Variants in TTC7A observed in about 807,000 individuals in gnomAD.
TTC7A encodes the protein tetratricopeptide repeat domain 7A.
TTC7A carries 110 observed loss-of-function variants against 103.7 expected under a neutral mutation model. The observed-to-expected ratio is 1.06, with a 90% CI of 0.91 to 1.24. The LOEUF is 1.24. Ranked by LOEUF, TTC7A falls within the 50% of genes most tolerant of loss-of-function variation. The pLI, the probability that TTC7A is intolerant of heterozygous loss-of-function variation, is 0.00. For synonymous variants in TTC7A, 521 were observed against 467.9 expected, an observed-to-expected ratio of 1.11 and a Z score of -1.47; for missense variants, 1,340 against 1,116.3, an observed-to-expected ratio of 1.20 and a Z score of -2.86.
At chr2:46,942,775 C>T (rs185003132) in intron 1 of TTC7A, among the ~76,000 whole-genome samples, 113 of 152,330 alleles carry the variant, frequency 7.4e-4, no homozygotes, top group African/African-American at 2.6e-3. Flanking sequence ...TATTACCTCT[C>T]AAAGATGTAC....
chr2:46,945,014 T>A (rs1302338923), intron 1 of TTC7A, among the ~76,000 whole-genome samples: 1 of 152,248 alleles, frequency 6.6e-6, no homozygotes, highest in Non-Finnish European at 1.5e-5. Context: ...TATGAAAATT[T>A]CAAATATACA....
Position 47,028,630 on chromosome 2 carries a change from A to G in TTC7A, c.1642-594A>G, listed in dbSNP as rs540817781. ...CCACATCCAAATCCAGACCCTTAGA[A>G]TGTGGCTTTCCTGACCCTGCATAAT... On this transcript the variant is annotated intron_variant, in intron 14 of 19. Coordinates refer to ENST00000319190, the MANE Select transcript of TTC7A (RefSeq NM_020458.4). Among the ~76,000 whole-genome samples, 28 of 152,304 alleles carry G rather than the reference A, an allele frequency of 1.8e-4. No homozygotes were observed. In the South Asian group the frequency reaches 4.1e-3, roughly 23 times the overall value.
chr2:46,959,388 T>A (rs767358831), intron 3 of TTC7A, among the ~76,000 whole-genome samples: 13 of 151,940 alleles, frequency 8.6e-5, no homozygotes, highest in Non-Finnish European at 1.6e-4. Flanking sequence ...TTCACAGGAG[T>A]CTGCTCTGTG....
At chr2:46,976,047 C>T (rs374007872) in intron 4 of TTC7A, among the ~76,000 whole-genome samples, 4 of 152,098 alleles carry the variant, frequency 2.6e-5, no homozygotes, top group African/African-American at 7.2e-5. Context: ...ATTCTTTTTC[C>T]CTCCGCATCT....
intron 5 of TTC7A, among the ~76,000 whole-genome samples, chr2:46,981,230 A>ATT (rs71397101): frequency 2.2e-4 from 32 of 148,648 alleles, no homozygotes; most frequent in East Asian, 1.2e-3. Context: ...ACACAGATGT[A>ATT]TTTTTTTTTT....
intron 2 of TTC7A, among the ~76,000 whole-genome samples, chr2:46,928,629 A>C (rs984936244): frequency 1.3e-5 from 2 of 152,006 alleles, no homozygotes; most frequent in Non-Finnish European, 2.9e-5. Context: ...AATTGACCAG[A>C]TGTGGTGACA....
At chr2:47,015,880 C>G (rs1348551645) in intron 11 of TTC7A, among the ~76,000 whole-genome samples, 1 of 152,038 alleles carries the variant, frequency 6.6e-6, no homozygotes, top group Non-Finnish European at 1.5e-5. Context: ...TACTACTCCT[C>G]CCAGGGAGAA....
chr2:46,985,383 G>A (rs962313297), intron 5 of TTC7A, among the ~76,000 whole-genome samples: 1 of 152,232 alleles, frequency 6.6e-6, no homozygotes, highest in African/African-American at 2.4e-5. Context: ...ACACGTGGCA[G>A]TTACTCAGCC....
At chr2:47,006,206 A>C in intron 9 of TTC7A, 147 bp downstream of exon 9, 4 of 1,120,702 alleles carry the variant, frequency 3.6e-6, no homozygotes, top group Non-Finnish European at 5.0e-6. Context: ...TACAAGTCTC[A>C]GCTTCCTCAT....
intron 2 of TTC7A, among the ~76,000 whole-genome samples, chr2:46,925,382 A>AC (rs1228631257): frequency 6.6e-6 from 1 of 152,022 alleles, no homozygotes; most frequent in East Asian, 1.9e-4. Flanking sequence ...ACATGGTGAA[A>AC]CCCCATCTCT....
intron 17 of TTC7A, 56 bp from the exon 18 acceptor site, chr2:47,051,690 G>A (rs2104731866): frequency 6.4e-7 from 1 of 1,552,856 alleles, no homozygotes; most frequent in Non-Finnish European, 8.7e-7. Context: ...TGCTCCTGGG[G>A]CCTGCAACGT....
intron 11 of TTC7A, among the ~76,000 whole-genome samples, chr2:47,017,310 T>A (rs1222985972): frequency 6.7e-6 from 1 of 148,504 alleles, no homozygotes; most frequent in African/African-American, 2.5e-5. Flanking sequence ...AGCCCAGGAG[T>A]TCCAGACAAG....
intron 12 of TTC7A, among the ~76,000 whole-genome samples, chr2:47,022,917 G>C (rs2104554236): frequency 6.6e-6 from 1 of 152,286 alleles, no homozygotes; most frequent in East Asian, 1.9e-4. Context: ...GTTTGGGAGG[G>C]GCCTGGATGC....
chr2:47,055,021 A>T (rs551433431), intron 18 of TTC7A, among the ~76,000 whole-genome samples: 1 of 151,880 alleles, frequency 6.6e-6, no homozygotes, highest in Admixed American at 6.6e-5. Context: ...CCTGGCTGCC[A>T]TCATCACTAG....
At chr2:47,001,018 G>A (rs6761800) in intron 8 of TTC7A, among the ~76,000 whole-genome samples, 49,017 of 151,944 alleles carry the variant, frequency 0.32, 8,602 homozygotes, top group African/African-American at 0.45. Context: ...CAGAATGTCT[G>A]GGCTCTAATT....
chr2:46,989,822 G>C (rs1675431747), intron 5 of TTC7A, among the ~76,000 whole-genome samples: 1 of 122,838 alleles, frequency 8.1e-6, no homozygotes, highest in Non-Finnish European at 1.8e-5. Context: ...GTGTGCATCT[G>C]TGTGTGTGTG....
chr2:47,066,781 C>T (rs1440531724), intron 19 of TTC7A, among the ~76,000 whole-genome samples: 1 of 152,190 alleles, frequency 6.6e-6, no homozygotes, highest in African/African-American at 2.4e-5. Flanking sequence ...GTCTTGAACT[C>T]CTGGGCTCAA....
At chr2:46,939,426 T>C (rs2103871076), upstream of TTC7A, among the ~76,000 whole-genome samples, 1 of 152,230 alleles carries the variant, frequency 6.6e-6, no homozygotes, top group East Asian at 1.9e-4. Flanking sequence ...GGGTCCGGCG[T>C]ATGTTGAGGA....
chr2:46,945,208 C>T (rs1370942586), intron 1 of TTC7A, among the ~76,000 whole-genome samples: 2 of 152,194 alleles, frequency 1.3e-5, no homozygotes, highest in African/African-American at 2.4e-5. Flanking sequence ...ATCCTCCTGC[C>T]TCAGCCTCCC....
Sources: gnomAD v4.1 joint callset for allele counts (sites outside exome capture counted in the v4.1 genomes callset) on GRCh38, gnomAD v4.1.1 for gene constraint, MANE v1.5 for transcripts, NCBI Gene and HGNC (gene_info 2026-07-23, HGNC 2026-07-21) for gene names.